FBXL13: variants seen among roughly 807,000 people sequenced by gnomAD.
The protein encoded by FBXL13 is F-box and leucine rich repeat protein 13.
FBXL13 carries 67 observed loss-of-function variants against 83.6 expected under a neutral mutation model. The ratio of observed to expected loss-of-function variants is 0.80; its 90% confidence interval spans 0.66 to 0.98. FBXL13 has a LOEUF of 0.98. Among genes scored for constraint, FBXL13 ranks in the 50% least tolerant of loss-of-function variants. The pLI is 0.00. For missense variants in FBXL13, 822 were observed against 866.5 expected (o/e 0.95, Z 0.64); for synonymous variants, 272 against 299.5 (o/e 0.91, Z 0.95).
At chr7:102,898,167 T>TAC (rs141692298) in intron 11 of FBXL13, among the ~76,000 whole-genome samples, 10 of 151,498 alleles carry the variant, frequency 6.6e-5, no homozygotes, top group East Asian at 3.9e-4. Context: ...TCGACTCCTA[T>TAC]ACACACACAC....
chr7:102,829,255 G>A (rs1800240927), intron 18 of FBXL13, among the ~76,000 whole-genome samples: 1 of 152,178 alleles, frequency 6.6e-6, no homozygotes, highest in Non-Finnish European at 1.5e-5. Flanking sequence ...GTCACTTGCT[G>A]CCTATCTGTA....
At position 102,931,366 on chromosome 7, in the gene FBXL13, G is replaced by A. The variant is rs191512272; in HGVS notation, c.777+515C>T. Among the ~76,000 whole-genome samples, 5 of 152,274 alleles carry A rather than the reference G, an allele frequency of 3.3e-5. No individual in the cohort carries two copies. In the South Asian group the frequency reaches 6.2e-4, roughly 19 times the overall value. ...GGCTTTATCCAACTGTGTAGATGAC[G>A]GCAGTGTGTGTAGCTGGTGGAAGAT... On this transcript the variant is annotated intron_variant, in intron 9 of 19. Coordinates refer to ENST00000313221, the Ensembl canonical transcript of FBXL13.
chr7:102,940,099 G>C (rs531115726), intron 8 of FBXL13, among the ~76,000 whole-genome samples: 1 of 151,980 alleles, frequency 6.6e-6, no homozygotes, highest in Admixed American at 6.5e-5. Context: ...TCATCATGTT[G>C]GTCAGGCTGG....
chr7:103,030,588 A>G (rs1423098197), intron 2 of FBXL13, among the ~76,000 whole-genome samples: 1 of 152,154 alleles, frequency 6.6e-6, no homozygotes, highest in Non-Finnish European at 1.5e-5. Context: ...TTCTTTTTAG[A>G]TGATATTACC....
intron 6 of FBXL13, among the ~76,000 whole-genome samples, chr7:102,998,038 T>C (rs1263180596): frequency 6.6e-6 from 1 of 152,206 alleles, no homozygotes; most frequent in African/African-American, 2.4e-5. Flanking sequence ...CAACAGTGTA[T>C]GAATGTTCCC....
intron 10 of FBXL13, among the ~76,000 whole-genome samples, chr7:102,920,372 G>GTT (rs148367277): frequency 2.0e-5 from 3 of 149,568 alleles, no homozygotes; most frequent in African/African-American, 7.3e-5. Context: ...CATACACTCA[G>GTT]TTTTTTTTTT....
intron 16 of FBXL13, among the ~76,000 whole-genome samples, chr7:102,863,859 A>G (rs1807240400): frequency 6.6e-6 from 1 of 152,064 alleles, no homozygotes; most frequent in Admixed American, 6.5e-5. Flanking sequence ...AGCATCGTCT[A>G]TGTCTCCTCT....
chr7:103,063,412 AATGCT>A (rs2129500716), intron 1 of FBXL13, among the ~76,000 whole-genome samples: 1 of 152,326 alleles, frequency 6.6e-6, no homozygotes, highest in African/African-American at 2.4e-5. Flanking sequence ...GTTATATACA[AATGCT>A]ATGCCACTTT....
chr7:103,031,802 G>A (rs977558938), intron 2 of FBXL13, among the ~76,000 whole-genome samples: 4 of 152,208 alleles, frequency 2.6e-5, no homozygotes, highest in Non-Finnish European at 5.9e-5. Flanking sequence ...ATTTTTCATA[G>A]TATTAAGTTA....
chr7:102,827,663 C>T (rs999295937), intron 18 of FBXL13, among the ~76,000 whole-genome samples: 4 of 151,984 alleles, frequency 2.6e-5, no homozygotes, highest in African/African-American at 9.7e-5. Context: ...TCTCGTAATG[C>T]TATTCCTCCC....
At chr7:103,067,395 A>G (rs979657956) in intron 1 of FBXL13, among the ~76,000 whole-genome samples, 6 of 152,228 alleles carry the variant, frequency 3.9e-5, no homozygotes, top group Non-Finnish European at 7.3e-5. Flanking sequence ...TATTTCTTAC[A>G]TAAAGAGGTG....
intron 11 of FBXL13, among the ~76,000 whole-genome samples, chr7:102,908,865 G>A (rs947618182): frequency 6.6e-6 from 1 of 152,198 alleles, no homozygotes; most frequent in Non-Finnish European, 1.5e-5. Context: ...CACAGCACTG[G>A]GTCTTGCCCA....
intron 9 of FBXL13, among the ~76,000 whole-genome samples, chr7:102,930,140 A>G (rs1818900986): frequency 6.6e-6 from 1 of 152,180 alleles, no homozygotes. Context: ...GAAATAGAGT[A>G]GAATTTTGAA....
At chr7:102,950,117 A>G (rs1823181905) in intron 8 of FBXL13, among the ~76,000 whole-genome samples, 1 of 152,170 alleles carries the variant, frequency 6.6e-6, no homozygotes, top group African/African-American at 2.4e-5. Context: ...AAAAAAACAA[A>G]AACAAAAACA....
intron 6 of FBXL13, among the ~76,000 whole-genome samples, chr7:103,000,373 A>C (rs1437896572): frequency 6.6e-6 from 1 of 152,192 alleles, no homozygotes; most frequent in Non-Finnish European, 1.5e-5. Flanking sequence ...ACAATGAATG[A>C]ATTTTTAAAA....
intron 8 of FBXL13, chr7:102,934,751 C>T (rs1819961952): frequency 2.3e-6 from 3 of 1,306,746 alleles, no homozygotes; most frequent in Non-Finnish European, 3.2e-6. Flanking sequence ...TCTTATAATC[C>T]TCCCTACATC....
intron 9 of FBXL13, among the ~76,000 whole-genome samples, chr7:102,930,517 T>C (rs1818966910): frequency 6.6e-6 from 1 of 152,226 alleles, no homozygotes. Flanking sequence ...TGCTCCAATA[T>C]CCCACTGAAA....
intron 8 of FBXL13, among the ~76,000 whole-genome samples, chr7:102,957,648 TAATATACAG>T (rs1215610918): frequency 6.6e-6 from 1 of 151,982 alleles, no homozygotes; most frequent in Non-Finnish European, 1.5e-5. Flanking sequence ...GACAAAGGGC[TAATATACAG>T]AATCTACAAA....
chr7:103,034,296 G>A (rs193223124), intron 2 of FBXL13, among the ~76,000 whole-genome samples: 110 of 152,336 alleles, frequency 7.2e-4, no homozygotes, highest in Admixed American at 1.6e-3. Context: ...AGCGGGGGGC[G>A]GCGCTTGTAG....
Sources: allele counts gnomAD v4.1 joint callset (sites outside exome capture counted in the v4.1 genomes callset), GRCh38; gene constraint gnomAD v4.1.1; transcripts MANE v1.5; gene names NCBI Gene and HGNC (gene_info 2026-07-23, HGNC 2026-07-21).